NUP62: variants seen among roughly 807,000 people sequenced by gnomAD.
NUP62 encodes the protein nucleoporin 62.
For synonymous variants in NUP62, 305 were observed against 303.4 expected (o/e 1.01, Z -0.05); for missense variants, 647 against 689.4 (o/e 0.94, Z 0.69).
rs762041538 is a variant in NUP62, at chr19:49,908,326, C to G, written c.1482G>C (p.Leu494=). ...SLQWIDQNSA[L]LQRKVEEVTK... is the part of the protein sequence containing the mutation. The stretch of plus-strand genomic sequence containing the variant: ...TCACCTCCTCCACCTTCCTCTGCAG[C>G]AGGGCCGAGTTCTGGTCGATCCACT... Residue 494 remains leucine, a synonymous_variant, in exon 3 of 3, where the codon CTG becomes CTC. Coordinates refer to ENST00000352066, the MANE Select transcript of NUP62 (RefSeq NM_016553.5). 6 of 1,614,036 alleles carry G rather than the reference C, an allele frequency of 3.7e-6. No individual in the cohort carries two copies. Among genetic ancestry groups the G allele is most frequent in the Non-Finnish European group, 5.1e-6 (6 of 1,180,030 alleles).
In NUP62 at chr19:49,927,715, C is replaced by T. The variant is rs949899467; in HGVS notation, c.-99G>A. ...GTACCGCTCAGTATCAGGATTCCTC[C>T]ACCTTCTCTGGACCTTGATTCAGTC... is the stretch of plus-strand genomic sequence containing the variant. On this transcript the variant is annotated 5_prime_UTR_variant, in exon 2 of 3. Transcript: ENST00000352066. 1.3e-5 allele frequency: 2 copies of T among 152,216 alleles called. No individual in the cohort carries two copies. The highest frequency in any genetic ancestry group is 2.9e-5 in the Non-Finnish European group (2 of 68,058). The allele number at this position is 152,216 out of a possible 1,614,324, so 9.4% of individuals were successfully genotyped here.
chr19:49,912,076 GAAGAGCATTTATAAA>G (rs2075478547), intron 2 of NUP62, among the ~76,000 whole-genome samples: 1 of 151,716 alleles, frequency 6.6e-6, no homozygotes, highest in African/African-American at 2.4e-5. Context: ...AAATTTCCAA[GAAGAGCATTTATAAA>G]AAGCTCTTTG....
At chr19:49,911,670 G>A (rs536767444) in intron 2 of NUP62, among the ~76,000 whole-genome samples, 1 of 152,262 alleles carries the variant, frequency 6.6e-6, no homozygotes, top group East Asian at 1.9e-4. Context: ...AGCTGCACAC[G>A]CTCTGCCTTG....
chr19:49,909,955 A>C (rs2075421322), intron 2 of NUP62, 71 bp from the exon 3 acceptor site: 1 of 810,212 alleles, frequency 1.2e-6, no homozygotes, highest in Non-Finnish European at 2.1e-6. Flanking sequence ...GACTGGGCAC[A>C]GTCGGTTTGG....
At chr19:49,916,999 G>C (rs983912003) in intron 2 of NUP62, among the ~76,000 whole-genome samples, 1 of 152,272 alleles carries the variant, frequency 6.6e-6, no homozygotes, top group Non-Finnish European at 1.5e-5. Flanking sequence ...TGGCACTGCT[G>C]ACAACGCAGA....
At chr19:49,912,982 C>G (rs1022278512) in intron 2 of NUP62, 1 of 150,486 alleles carries the variant, frequency 6.6e-6, no homozygotes. Context: ...AGCCACGGTC[C>G]CTGCCCTCAA....
intron 2 of NUP62, among the ~76,000 whole-genome samples, chr19:49,912,223 G>A (rs1420882027): frequency 6.8e-6 from 1 of 147,206 alleles, no homozygotes; most frequent in Non-Finnish European, 1.5e-5. Flanking sequence ...AGGCTGGAGT[G>A]GAATGGCATG....
chr19:49,920,863 C>T (rs1338223156), intron 2 of NUP62, among the ~76,000 whole-genome samples: 1 of 152,120 alleles, frequency 6.6e-6, no homozygotes, highest in Non-Finnish European at 1.5e-5. Context: ...ACACCTGTGC[C>T]CCATCCGCAG....
intron 2 of NUP62, among the ~76,000 whole-genome samples, chr19:49,925,521 C>G (rs1273997158): frequency 6.6e-6 from 1 of 151,568 alleles, no homozygotes; most frequent in Admixed American, 6.6e-5. Context: ...GAGACAAAAC[C>G]AAATGGAAGC....
At chr19:49,924,085 G>A (rs2075827166) in intron 2 of NUP62, among the ~76,000 whole-genome samples, 1 of 152,236 alleles carries the variant, frequency 6.6e-6, no homozygotes, top group Non-Finnish European at 1.5e-5. Context: ...TCTGGCAACT[G>A]TGAGCAGCAG....
intron 2 of NUP62, among the ~76,000 whole-genome samples, chr19:49,925,725 G>A (rs934517953): frequency 5.3e-5 from 8 of 152,114 alleles, no homozygotes; most frequent in African/African-American, 1.7e-4. Context: ...CATCAAGTGT[G>A]GTCAGAATCA....
chr19:49,913,707 G>C (rs7257503), intron 2 of NUP62, among the ~76,000 whole-genome samples: 1 of 152,050 alleles, frequency 6.6e-6, no homozygotes, highest in Non-Finnish European at 1.5e-5. Context: ...ATAATAAACC[G>C]TGACCGTGAC....
Position 49,908,868 on chromosome 19 carries a change from G to C in NUP62, c.940C>G (p.Pro314Ala). The change falls in exon 3 of 3, where the codon CCT (proline) becomes GCT (alanine). Residue 314 changes from proline (P) to alanine (A), a missense_variant. Physicochemically the swap from Pro to Ala is conservative, Grantham distance 27. Transcript: ENST00000352066. The stretch of plus-strand genomic sequence containing the variant: ...GCCCCTGCAGCTGCGCCAGGGCCAG[G>C]TGGAGCGGTCACGGCAGCTGCTGTA... ...SNTAAAVTAP[P>A]GPGAAAGAAA... 6.2e-7 allele frequency: 1 copy of C among 1,611,448 alleles called. No homozygotes were observed. The highest frequency in any genetic ancestry group is 8.5e-7 in the Non-Finnish European group (1 of 1,179,832).
intron 2 of NUP62, among the ~76,000 whole-genome samples, 180 bp downstream of exon 2, chr19:49,927,514 A>C (rs1163435770): frequency 6.6e-6 from 1 of 152,178 alleles, no homozygotes; most frequent in South Asian, 2.1e-4. Context: ...CTATGCTCTT[A>C]GCTGCTACTC....
At position 49,909,694 on chromosome 19, in the gene NUP62, G is replaced by A. The variant is rs2075413464; in HGVS notation, c.114C>T (p.Gly38=). Residue 38 remains glycine, a synonymous_variant, in exon 3 of 3, where the codon GGC becomes GGT. Transcript: ENST00000352066. Reference sequence around the variant, plus strand: ...GAGCCCCAAAATTAAACCCTCCAGTGCCAGAGGTGGAGAAAGAAAACCCTG... The same window carrying A: ...GAGCCCCAAAATTAAACCCTCCAGTACCAGAGGTGGAGAAAGAAAACCCTG... ...PATGFSFSTS[G]TGGFNFGAPF... The A allele has an allele frequency of 6.2e-7, 1 of 1,614,066 alleles. No homozygotes were observed. The highest frequency in any genetic ancestry group is 1.7e-5 in the Admixed American group (1 of 60,000).
chr19:49,916,469 C>G (rs1340477919), intron 2 of NUP62, among the ~76,000 whole-genome samples: 1 of 147,356 alleles, frequency 6.8e-6, no homozygotes, highest in Non-Finnish European at 1.5e-5. Context: ...ATTTTTGTAT[C>G]TCTACTAAAA....
intron 2 of NUP62, among the ~76,000 whole-genome samples, chr19:49,911,961 T>C (rs956454188): frequency 5.9e-5 from 9 of 152,306 alleles, no homozygotes; most frequent in African/African-American, 2.2e-4. Context: ...CTCAAGCCGG[T>C]GTGTTGTTAC....
intron 2 of NUP62, among the ~76,000 whole-genome samples, chr19:49,916,765 A>C (rs1008434455): frequency 2.0e-5 from 3 of 152,038 alleles, no homozygotes; most frequent in African/African-American, 7.2e-5. Context: ...CTCCGTCTCA[A>C]AAACAAAAAA....
At chr19:49,920,159 C>T (rs530281076) in intron 2 of NUP62, among the ~76,000 whole-genome samples, 7 of 152,136 alleles carry the variant, frequency 4.6e-5, no homozygotes, top group African/African-American at 1.2e-4. Context: ...CTCAGCTCAT[C>T]GCAACCTCTG....
Sources: allele counts gnomAD v4.1 joint callset (sites outside exome capture counted in the v4.1 genomes callset), GRCh38; gene constraint gnomAD v4.1.1; transcripts MANE v1.5; gene names NCBI Gene and HGNC (gene_info 2026-07-23, HGNC 2026-07-21).